MVB12B: variants seen among roughly 807,000 people sequenced by gnomAD.
MVB12B encodes the protein multivesicular body subunit 12B.
A neutral mutation model predicts 41.6 loss-of-function variants in MVB12B; 16 were observed. The observed-to-expected ratio is 0.38, with a 90% CI of 0.26 to 0.58. The LOEUF (loss-of-function observed/expected upper bound fraction) is 0.58, where lower values mean the gene tolerates loss of function less well. MVB12B is among the 20% of genes least tolerant of loss of function. The pLI is 0.62. For synonymous variants in MVB12B, 133 were observed against 139.7 expected (o/e 0.95, Z 0.34); for missense variants, 274 against 380.2 (o/e 0.72, Z 2.32).
chr9:126,384,380 G>A (rs2118973779), intron 3 of MVB12B, among the ~76,000 whole-genome samples: 1 of 152,308 alleles, frequency 6.6e-6, no homozygotes, highest in East Asian at 1.9e-4. Flanking sequence ...TACACTTGCT[G>A]CTATGACCTT....
intron 9 of MVB12B, among the ~76,000 whole-genome samples, chr9:126,502,235 A>G (rs939716817): frequency 9.9e-5 from 15 of 151,928 alleles, no homozygotes; most frequent in Non-Finnish European, 1.6e-4. Flanking sequence ...CCCAGCCCCA[A>G]CGCCTTGCAC....
chr9:126,394,366 A>T lies in MVB12B; in HGVS notation c.540-1209A>T, dbSNP rs548525424. Among the ~76,000 whole-genome samples the T allele has an allele frequency of 1.7e-4, 26 of 152,346 alleles. 1 individual carries two copies. In the South Asian group the frequency reaches 4.1e-3, roughly 24 times the overall value. Reference sequence around the variant, plus strand: ...CCAATTTAAAAATTTTAAGGAATAGATATGTACCAGTATGTACCTTGATAA... The same window carrying T: ...CCAATTTAAAAATTTTAAGGAATAGTTATGTACCAGTATGTACCTTGATAA... On this transcript the variant is annotated intron_variant, in intron 5 of 9. Transcript: ENST00000361171.
intron 2 of MVB12B, among the ~76,000 whole-genome samples, chr9:126,379,092 G>C (rs1016002613): frequency 1.3e-5 from 2 of 152,170 alleles, no homozygotes; most frequent in Non-Finnish European, 2.9e-5. Context: ...CAGCCTTGGA[G>C]CGTCCTGCAG....
Position 126,445,433 on chromosome 9 carries a change from A to G in MVB12B, c.757+23485A>G, listed in dbSNP as rs56688413. 1.5e-3 allele frequency among the ~76,000 whole-genome samples: 223 copies of G among 152,082 alleles called. 5 individuals carry two copies. In the East Asian group the frequency reaches 0.037, roughly 25 times the overall value. On this transcript the variant is annotated intron_variant, in intron 7 of 9. Transcript: ENST00000361171. The stretch of plus-strand genomic sequence containing the variant: ...GCAATTCTGCCTCAGCCTCCAAAGT[A>G]GCTGGAACTACAGGCACCCACCGCC...
chr9:126,355,957 C>T (rs536049417), intron 2 of MVB12B, among the ~76,000 whole-genome samples: 35 of 152,300 alleles, frequency 2.3e-4, no homozygotes, highest in African/African-American at 7.5e-4. Context: ...CCCTTCGCTG[C>T]CTTCCTCTGG....
Position 126,504,319 on chromosome 9 carries a change from C to T in MVB12B, c.*1056C>T, listed in dbSNP as rs1216292467. 6.6e-6 allele frequency: 1 copy of T among 152,336 alleles called. No homozygotes were observed. The highest frequency in any genetic ancestry group is 2.4e-5 in the African/African-American group (1 of 41,480). The allele number at this position is 152,336 out of a possible 1,614,324, so 9.4% of individuals were successfully genotyped here. The stretch of plus-strand genomic sequence containing the variant: ...TCAGCCCCAGGTGCGTTTGCCTAGG[C>T]AGTGGTGGCTGCCATCCCTCGGGGC... On this transcript the variant is annotated 3_prime_UTR_variant, in exon 10 of 10. Transcript: ENST00000361171.
intron 7 of MVB12B, among the ~76,000 whole-genome samples, chr9:126,424,835 G>A (rs1054177585): frequency 1.3e-5 from 2 of 152,192 alleles, no homozygotes; most frequent in Non-Finnish European, 2.9e-5. Flanking sequence ...ACTTGTCCTA[G>A]CAGTATCTCC....
rs1045759881 is a variant in MVB12B at position 126,461,668 on chromosome 9, T to TA, written c.758-19692dup. 9.9e-5 allele frequency among the ~76,000 whole-genome samples: 15 copies of TA among 151,096 alleles called. 1 individual carries two copies. The highest frequency in any genetic ancestry group is 6.3e-4 in the South Asian group (3 of 4,758). On this transcript the variant is annotated intron_variant, in intron 7 of 9. Coordinates refer to ENST00000361171, the MANE Select transcript of MVB12B (RefSeq NM_033446.3). ...ATATCACTAGTGGAAAATCCAAGTT[T>TA]AAAAAAAAAGACCACACACACAAAG...
intron 6 of MVB12B, among the ~76,000 whole-genome samples, chr9:126,409,852 AT>A (rs1420317102): frequency 6.6e-6 from 1 of 152,240 alleles, no homozygotes; most frequent in Non-Finnish European, 1.5e-5. Flanking sequence ...AAATATTCAA[AT>A]TAGGAATAAG....
At chr9:126,493,039 TACAC>T (rs1833766227) in intron 9 of MVB12B, among the ~76,000 whole-genome samples, 1 of 152,328 alleles carries the variant, frequency 6.6e-6, no homozygotes, top group Non-Finnish European at 1.5e-5. Context: ...TGAGTTCAAA[TACAC>T]ACACTTTAAT....
chr9:126,466,829 A>ATT (rs35685129), intron 7 of MVB12B, among the ~76,000 whole-genome samples: 2 of 147,776 alleles, frequency 1.4e-5, no homozygotes, highest in East Asian at 2.0e-4. Context: ...GGGAAATCAG[A>ATT]TTTTTTTTTT....
intron 2 of MVB12B, among the ~76,000 whole-genome samples, chr9:126,368,912 C>T (rs1830259027): frequency 6.6e-6 from 1 of 152,162 alleles, no homozygotes; most frequent in African/African-American, 2.4e-5. Flanking sequence ...TTAGATCATG[C>T]CATCAGCTCA....
Position 126,459,625 on chromosome 9 carries a change from G to A in MVB12B, c.758-21744G>A, listed in dbSNP as rs959810948. Among the ~76,000 whole-genome samples, 1 of 152,198 alleles carries A rather than the reference G, an allele frequency of 6.6e-6. No individual in the cohort carries two copies. The highest frequency in any genetic ancestry group is 2.4e-5 in the African/African-American group (1 of 41,440). Reference sequence around the variant, plus strand: ...CTTGGGGCTAAGGATGTGTATTTTCGCACGCAGCCCAGGTGACTGTGGCAT... The same window carrying A: ...CTTGGGGCTAAGGATGTGTATTTTCACACGCAGCCCAGGTGACTGTGGCAT... On this transcript the variant is annotated intron_variant, in intron 7 of 9. Coordinates refer to ENST00000361171, the MANE Select transcript of MVB12B (RefSeq NM_033446.3). The surrounding 1 kb of genome is among the most constrained non-coding windows in gnomAD (Gnocchi z 4.3).
In MVB12B at chr9:126,399,386, C is replaced by G. The variant is rs572455591; in HGVS notation, c.662+3689C>G. On this transcript the variant is annotated intron_variant, in intron 6 of 9. Coordinates refer to ENST00000361171, the MANE Select transcript of MVB12B (RefSeq NM_033446.3). ...CAACAGGAGAGAGCTGGCCTGGGGA[C>G]GGAGGCACAGTCCCATCTCTGTGGC... is the stretch of plus-strand genomic sequence containing the variant. 7.9e-5 allele frequency among the ~76,000 whole-genome samples: 12 copies of G among 152,298 alleles called. No individual in the cohort carries two copies. In the East Asian group the frequency reaches 1.5e-3, roughly 20 times the overall value.
At chr9:126,445,129 CA>C (rs1832734502) in intron 7 of MVB12B, among the ~76,000 whole-genome samples, 1 of 152,054 alleles carries the variant, frequency 6.6e-6, no homozygotes, top group African/African-American at 2.4e-5. Context: ...AGTTATAAGT[CA>C]ATTTGGGGAG....
intron 6 of MVB12B, among the ~76,000 whole-genome samples, chr9:126,405,349 C>T (rs980391300): frequency 1.6e-4 from 24 of 151,822 alleles, no homozygotes; most frequent in Non-Finnish European, 3.2e-4. Flanking sequence ...TTGGTTTCAG[C>T]GCCAGGGTTT....
At position 126,376,345 on chromosome 9, in the gene MVB12B, T is replaced by C. The variant is rs1830479363; in HGVS notation, c.205-4719T>C. The C allele has an allele frequency of 2.4e-6, 1 of 421,020 alleles. No homozygotes were observed. Among genetic ancestry groups the C allele is most frequent in the Admixed American group, 2.9e-5 (1 of 34,290 alleles). The allele number at this position is 421,020 out of a possible 1,614,324, so 26.1% of individuals were successfully genotyped here. A position where few individuals can be genotyped will look rare whatever the true frequency, so the allele number is the denominator to read the frequency against. On this transcript the variant is annotated intron_variant, in intron 2 of 9. Transcript: ENST00000361171. The surrounding 1 kb of genome is among the most constrained non-coding windows in gnomAD (Gnocchi z 4.1). ...CCGGCACTGTTTCCCCCTATTCTCT[T>C]TGCTACCTTCAAGCTCCCTTTTTTC...
In MVB12B at chr9:126,501,806, T is replaced by G. The variant is rs1330186065; in HGVS notation, c.874-1371T>G. ...TCATCAGGGCCCTTGGGAGGGCTCC[T>G]TGCTGCAGGCGGCTCGCTCTGGGCA... is the stretch of plus-strand genomic sequence containing the variant. On this transcript the variant is annotated intron_variant, in intron 9 of 9. Transcript: ENST00000361171. Among the ~76,000 whole-genome samples the G allele has an allele frequency of 4.6e-5, 7 of 152,292 alleles. No homozygotes were observed. The East Asian group carries it at 1.2e-3, about 25-fold the overall frequency.
At chr9:126,409,352 G>T (rs544546161) in intron 6 of MVB12B, among the ~76,000 whole-genome samples, 3 of 139,986 alleles carry the variant, frequency 2.1e-5, no homozygotes, top group Admixed American at 1.5e-4. Context: ...TGTGTCCCTT[G>T]GGCCTTCTTT....
Sources: allele counts gnomAD v4.1 joint callset (sites outside exome capture counted in the v4.1 genomes callset), GRCh38; gene constraint gnomAD v4.1.1; non-coding constraint Gnocchi (gnomAD v3.1); transcripts MANE v1.5; gene names NCBI Gene and HGNC (gene_info 2026-07-23, HGNC 2026-07-21).